CACNA2D3: variants seen among roughly 807,000 people sequenced by gnomAD.
The protein encoded by CACNA2D3 is voltage-dependent calcium channel subunit alpha-2/delta-3.
A neutral mutation model predicts 160.6 loss-of-function variants in CACNA2D3; 60 were observed. That is an observed-to-expected ratio of 0.37 (90% CI 0.30 to 0.46). The LOEUF (loss-of-function observed/expected upper bound fraction) is 0.46. CACNA2D3 is among the 20% of genes least tolerant of loss of function. CACNA2D3 has a pLI of 1.00. For synonymous variants in CACNA2D3, 558 were observed against 492.9 expected (o/e 1.13, Z -1.75); for missense variants, 1,205 against 1,365.0 (o/e 0.88, Z 1.85).
intron 11 of CACNA2D3, among the ~76,000 whole-genome samples, chr3:54,701,758 A>G (rs1415385103): frequency 6.6e-6 from 1 of 152,206 alleles, no homozygotes; most frequent in Non-Finnish European, 1.5e-5. Context: ...TAAAATTTTC[A>G]TGGAACCAAA....
At chr3:54,422,594 A>G (rs1405379090) in intron 4 of CACNA2D3, among the ~76,000 whole-genome samples, 1 of 152,202 alleles carries the variant, frequency 6.6e-6, no homozygotes, top group Non-Finnish European at 1.5e-5. Context: ...AAAGATGCTC[A>G]ATCTCATTAG....
At chr3:54,931,262 G>T (rs1250652030) in intron 27 of CACNA2D3, among the ~76,000 whole-genome samples, 6 of 152,124 alleles carry the variant, frequency 3.9e-5, no homozygotes, top group Non-Finnish European at 8.8e-5. Flanking sequence ...TGCCCAAGGG[G>T]TTTTTTTGGT....
At chr3:54,928,893 A>C (rs937812312) in intron 27 of CACNA2D3, among the ~76,000 whole-genome samples, 1 of 152,154 alleles carries the variant, frequency 6.6e-6, no homozygotes, top group Non-Finnish European at 1.5e-5. Flanking sequence ...CTCTAATTGA[A>C]GCTTCAGGGA....
At chr3:54,760,538 G>A (rs528123702) in intron 12 of CACNA2D3, among the ~76,000 whole-genome samples, 1 of 152,268 alleles carries the variant, frequency 6.6e-6, no homozygotes, top group South Asian at 2.1e-4. Context: ...CCAGGAAGAT[G>A]ATGATTTGCT....
At chr3:54,469,846 C>T (rs949738369) in intron 4 of CACNA2D3, among the ~76,000 whole-genome samples, 3 of 151,712 alleles carry the variant, frequency 2.0e-5, no homozygotes, top group Non-Finnish European at 2.9e-5. Flanking sequence ...TGAAGATCAA[C>T]TTAATGAGAT....
chr3:54,430,134 TTCTA>T (rs139791192), intron 4 of CACNA2D3, among the ~76,000 whole-genome samples: 1 of 152,366 alleles, frequency 6.6e-6, no homozygotes, highest in African/African-American at 2.4e-5. Flanking sequence ...CGCAACTACT[TTCTA>T]TGTAAATTGT....
intron 4 of CACNA2D3, among the ~76,000 whole-genome samples, chr3:54,408,173 A>G (rs1386423848): frequency 2.0e-5 from 3 of 152,198 alleles, no homozygotes; most frequent in African/African-American, 4.8e-5. Context: ...AGAGAAGTAC[A>G]AGGTATTATC....
At chr3:54,855,286 G>C (rs1168695) in intron 17 of CACNA2D3, among the ~76,000 whole-genome samples, 125,105 of 152,156 alleles carry the variant, frequency 0.82, 52,103 homozygotes, top group African/African-American at 0.95. Context: ...AAGCCTACTA[G>C]TCTCCGGGCT....
intron 2 of CACNA2D3, among the ~76,000 whole-genome samples, chr3:54,270,332 A>G (rs1702596028): frequency 6.6e-6 from 1 of 152,242 alleles, no homozygotes; most frequent in Admixed American, 6.5e-5. Context: ...AATATAGAAC[A>G]GAAATACTGT....
At chr3:54,808,108 T>C in intron 13 of CACNA2D3, among the ~76,000 whole-genome samples, 1 of 148,544 alleles carries the variant, frequency 6.7e-6, no homozygotes, top group South Asian at 2.2e-4. Context: ...TAATGCTAAA[T>C]GATGAGTTAA....
At position 54,325,099 on chromosome 3, in the gene CACNA2D3, CA is replaced by C. The variant is rs145003365; in HGVS notation, c.321+4542del. Among the ~76,000 whole-genome samples the C allele has an allele frequency of 9.1e-3, 1,383 of 152,278 alleles. 26 individuals carry two copies. Among genetic ancestry groups the C allele is most frequent in the African/African-American group, 0.031 (1,298 of 41,556 alleles). On this transcript the variant is annotated intron_variant, in intron 3 of 37. Coordinates refer to ENST00000474759, the MANE Select transcript of CACNA2D3 (RefSeq NM_018398.3). Reference sequence around the variant, plus strand: ...CCTTTGTCTTTAAAATCCAGCCCTTCAGGGGGAGTAGCACAAACTATCAATC... The same window carrying C: ...CCTTTGTCTTTAAAATCCAGCCCTTCGGGGGAGTAGCACAAACTATCAATC...
intron 20 of CACNA2D3, 97 bp downstream of exon 20, chr3:54,879,508 A>G: frequency 1.1e-6 from 1 of 887,934 alleles, no homozygotes; most frequent in Non-Finnish European, 1.8e-6. Context: ...TCTGAAGATA[A>G]CCAAACACCC....
chr3:54,990,010 A>G (rs187459391), intron 31 of CACNA2D3, among the ~76,000 whole-genome samples: 1 of 152,318 alleles, frequency 6.6e-6, no homozygotes, highest in African/African-American at 2.4e-5. Flanking sequence ...GTGAAAGGAT[A>G]TAGTTGGCTG....
intron 13 of CACNA2D3, among the ~76,000 whole-genome samples, chr3:54,797,048 G>T (rs1002968166): frequency 3.3e-5 from 5 of 152,148 alleles, no homozygotes. Context: ...GATTCTTTAA[G>T]ATCATCTTTC....
intron 11 of CACNA2D3, among the ~76,000 whole-genome samples, chr3:54,643,014 C>G (rs1281301782): frequency 1.3e-5 from 2 of 152,114 alleles, no homozygotes; most frequent in African/African-American, 2.4e-5. Flanking sequence ...TTGGTGGTCA[C>G]TGTCTCACCT....
intron 2 of CACNA2D3, among the ~76,000 whole-genome samples, chr3:54,319,849 A>G (rs1703948902): frequency 6.6e-6 from 1 of 152,102 alleles, no homozygotes; most frequent in Admixed American, 6.5e-5. Flanking sequence ...CAGAATAAAA[A>G]AATTAGAGGA....
intron 27 of CACNA2D3, among the ~76,000 whole-genome samples, chr3:54,931,322 C>T (rs561462496): frequency 6.6e-6 from 1 of 152,292 alleles, no homozygotes; most frequent in South Asian, 2.1e-4. Context: ...ATGGACAATG[C>T]ACACATGGCC....
At chr3:55,053,506 C>G (rs952846023) in intron 35 of CACNA2D3, among the ~76,000 whole-genome samples, 3 of 151,892 alleles carry the variant, frequency 2.0e-5, no homozygotes, top group African/African-American at 7.2e-5. Flanking sequence ...GTATATAGTT[C>G]CTGCACATCT....
chr3:54,271,176 T>G (rs972630208), intron 2 of CACNA2D3, among the ~76,000 whole-genome samples: 1 of 152,224 alleles, frequency 6.6e-6, no homozygotes, highest in Non-Finnish European at 1.5e-5. Flanking sequence ...TTCCTGGGCC[T>G]TGATTTCACC....
Sources: gnomAD v4.1 joint callset for allele counts (sites outside exome capture counted in the v4.1 genomes callset) on GRCh38, gnomAD v4.1.1 for gene constraint, MANE v1.5 for transcripts, NCBI Gene and HGNC (gene_info 2026-07-23, HGNC 2026-07-21) for gene names.